The following TGM2 variants were observed in gnomAD, a reference collection of about 807,000 sequenced individuals.
TGM2 encodes protein-glutamine gamma-glutamyltransferase 2.
Under a neutral mutation model 75.6 loss-of-function variants are expected in TGM2, and 53 were observed. That is an observed-to-expected ratio of 0.70 (90% confidence interval 0.56 to 0.88). The LOEUF is 0.88. Ranked by LOEUF, TGM2 falls within the 40% of genes least tolerant of loss-of-function variation. TGM2 has a pLI of 0.00. For synonymous variants in TGM2, 374 were observed against 381.1 expected, an observed-to-expected ratio of 0.98 and a Z score of 0.22; for missense variants, 842 against 928.5, an observed-to-expected ratio of 0.91 and a Z score of 1.21.
At chr20:38,131,571 C>T (rs565107783) in intron 11 of TGM2, among the ~76,000 whole-genome samples, 1 of 152,208 alleles carries the variant, frequency 6.6e-6, no homozygotes, top group South Asian at 2.1e-4. Flanking sequence ...GGAAGTTACT[C>T]CCCACTCTGT....
chr20:38,139,601 T>C lies in TGM2; in HGVS notation c.1153A>G (p.Ser385Gly). Residue 385 changes from serine to glycine, a missense_variant, in exon 9 of 13, where the codon AGC becomes GGC. Coordinates refer to ENST00000361475, the MANE Select transcript of TGM2 (RefSeq NM_004613.4). ...PVRAIKEGDL[S>G]TKYDAPFVFA... ...ACAAAGGGCGCATCGTACTTGGTGCTCAGGTCGCCCTCCTTGATGGCACGA... is the reference window on the plus strand; with the variant it reads ...ACAAAGGGCGCATCGTACTTGGTGCCCAGGTCGCCCTCCTTGATGGCACGA... The C allele has an allele frequency of 6.2e-7, 1 of 1,614,212 alleles. No homozygotes were observed. Among genetic ancestry groups the C allele is most frequent in the South Asian group, 1.1e-5 (1 of 91,082 alleles).
rs765088436 is a variant in TGM2, at chr20:38,139,501, C to T, written c.1253G>A (p.Arg418His). The T allele has an allele frequency of 1.9e-5, 30 of 1,614,068 alleles. No homozygotes were observed. The highest frequency in any genetic ancestry group is 4.5e-5 in the East Asian group (2 of 44,902). ...GATCTTCAGCCCAACGATCAGGGAA[C>T]GGTTGATGGATTTGTGCACAGACCC... ...DDGSVHKSINRSLIVGLKIST... is the reference protein window; with the variant it reads ...DDGSVHKSINHSLIVGLKIST... The change falls in exon 9 of 13, where the codon CGT becomes CAT. Residue 418 changes from arginine to histidine, a missense_variant. Coordinates refer to ENST00000361475, the MANE Select transcript of TGM2 (RefSeq NM_004613.4).
At chr20:38,157,484 T>G (rs556035194) in intron 2 of TGM2, among the ~76,000 whole-genome samples, 158 of 152,368 alleles carry the variant, frequency 1.0e-3, no homozygotes, top group African/African-American at 3.6e-3. Context: ...CTCTCTGATC[T>G]GCTTTCTTAT....
Position 38,132,332 on chromosome 20 carries a change from G to C in TGM2, c.1776+8C>G, listed in dbSNP as rs1186931713. On this transcript the variant is annotated splice_region_variant and intron_variant, in intron 11 of 12. Transcript: ENST00000361475. ...TGGGACCCTGCCCCTTGCCCAGCCTGCCCTTACCCGGATCTTGATTTCTGG... is the reference window on the plus strand; with the variant it reads ...TGGGACCCTGCCCCTTGCCCAGCCTCCCCTTACCCGGATCTTGATTTCTGG... 2 of 1,613,944 alleles carry C rather than the reference G, an allele frequency of 1.2e-6. No homozygotes were observed. The highest frequency in any genetic ancestry group is 1.7e-6 in the Non-Finnish European group (2 of 1,180,000).
At chr20:38,149,731 G>T (rs1489508360) in intron 4 of TGM2, among the ~76,000 whole-genome samples, 1 of 142,762 alleles carries the variant, frequency 7.0e-6, no homozygotes. Context: ...GGAAGAACTT[G>T]ACTTTGTTCT....
chr20:38,131,349 AC>A (rs111895659), intron 11 of TGM2, 120 bp from the exon 12 acceptor site: 88 of 1,314,146 alleles, frequency 6.7e-5, no homozygotes, highest in African/African-American at 4.3e-4. Flanking sequence ...TGCCACGATC[AC>A]CCCCCCTCCC....
chr20:38,165,290 C>CT, upstream of TGM2: 1 of 1,590,772 alleles, frequency 6.3e-7, no homozygotes, highest in Non-Finnish European at 8.6e-7. Flanking sequence ...GAGAGCGGCG[C>CT]TAACTTATAG....
At chr20:38,147,454 T>C (rs2075059611) in intron 5 of TGM2, among the ~76,000 whole-genome samples, 1 of 152,182 alleles carries the variant, frequency 6.6e-6, no homozygotes, top group Admixed American at 6.5e-5. Flanking sequence ...AGCTGTGCCC[T>C]CTGCCTGGAA....
At position 38,129,407 on chromosome 20, in the gene TGM2, G is replaced by A. The variant is rs1046693636; in HGVS notation, c.*812C>T. On this transcript the variant is annotated 3_prime_UTR_variant, in exon 13 of 13. Transcript: ENST00000361475. ...CTCCGACAGTCTCAGGTCAGGCTGG[G>A]GTTATAAATGGAGCAGTGGACTCAG... 6.6e-6 allele frequency: 1 copy of A among 152,132 alleles called. No individual in the cohort carries two copies. The highest frequency in any genetic ancestry group is 2.4e-5 in the African/African-American group (1 of 41,412). 9.4% of individuals were successfully genotyped at this position (152,132 alleles called of 1,614,324 possible). A position where few individuals can be genotyped will look rare whatever the true frequency, so the allele number is the denominator to read the frequency against.
chr20:38,165,706 ACACT>A (rs2075304720), upstream of TGM2, among the ~76,000 whole-genome samples: 1 of 148,196 alleles, frequency 6.7e-6, no homozygotes, highest in South Asian at 2.2e-4. Flanking sequence ...ACACACGCAC[ACACT>A]CACACACATA....
At chr20:38,156,574 AG>A (rs2075190458) in intron 2 of TGM2, among the ~76,000 whole-genome samples, 1 of 152,246 alleles carries the variant, frequency 6.6e-6, no homozygotes, top group Admixed American at 6.5e-5. Context: ...GACGCTGAGC[AG>A]GAAGGGACCT....
chr20:38,156,260 G>T lies in TGM2; in HGVS notation c.191-171C>A, dbSNP rs552605242. Among the ~76,000 whole-genome samples the T allele has an allele frequency of 1.9e-3, 283 of 152,376 alleles. 4 individuals are homozygous for T. The highest frequency in any genetic ancestry group is 6.4e-3 in the African/African-American group (265 of 41,598). On this transcript the variant is annotated intron_variant, in intron 2 of 12. Coordinates refer to ENST00000361475, the MANE Select transcript of TGM2 (RefSeq NM_004613.4). ...AGCCTCAGTTTCCTCATCTGTAAAG[G>T]GGGGCTCAGAACCCCAGCCTTTTAG...
upstream of TGM2, chr20:38,165,415 G>A (rs1163224037): frequency 4.4e-5 from 28 of 631,868 alleles, no homozygotes; most frequent in South Asian, 3.4e-4. Context: ...CCAGGGGACC[G>A]GAGCCCGAGG....
Position 38,154,373 on chromosome 20 carries a change from A to G in TGM2, c.433+1474T>C, listed in dbSNP as rs570308488. ...CCGATTCCCAGGAGGGGCCTGGCCC[A>G]TGATGCTTCTTTCCCTGCTTTGTTT... On this transcript the variant is annotated intron_variant, in intron 3 of 12. Coordinates refer to ENST00000361475, the MANE Select transcript of TGM2 (RefSeq NM_004613.4). 5.9e-5 allele frequency among the ~76,000 whole-genome samples: 9 copies of G among 152,300 alleles called. No individual in the cohort carries two copies. The South Asian group carries it at 1.9e-3, about 32-fold the overall frequency.
At chr20:38,136,551 G>A (rs1455458444) in intron 10 of TGM2, among the ~76,000 whole-genome samples, 1 of 152,196 alleles carries the variant, frequency 6.6e-6, no homozygotes, top group Non-Finnish European at 1.5e-5. Flanking sequence ...GAGCCTGATG[G>A]GGACGCTAAG....
At chr20:38,142,451 G>T (rs779130586) in intron 6 of TGM2, among the ~76,000 whole-genome samples, 4 of 152,198 alleles carry the variant, frequency 2.6e-5, no homozygotes, top group African/African-American at 4.8e-5. Context: ...GGTGGCTCAC[G>T]CCTATAATCC....
chr20:38,130,383 G>T lies in TGM2; in HGVS notation c.1914-14C>A, dbSNP rs45581631. 23 of 1,577,402 alleles carry T rather than the reference G, an allele frequency of 1.5e-5. No homozygotes were observed. Among genetic ancestry groups the T allele is most frequent in the African/African-American group, 6.7e-5 (5 of 74,376 alleles). On this transcript the variant is annotated splice_polypyrimidine_tract_variant and intron_variant, in intron 12 of 12. Transcript: ENST00000361475. The stretch of plus-strand genomic sequence containing the variant: ...ACGGGGTCTGGGCTGCAGGGAGAGA[G>T]GGGGTGGTGAGGAAAGGGGCCCAAG...
intron 10 of TGM2, among the ~76,000 whole-genome samples, chr20:38,134,655 C>T (rs999618878): frequency 1.3e-5 from 2 of 152,112 alleles, no homozygotes; most frequent in Non-Finnish European, 2.9e-5. Context: ...TCACCGAGGC[C>T]ACATTGGCTG....
chr20:38,167,041 C>G (rs181528020), upstream of TGM2, among the ~76,000 whole-genome samples: 20 of 152,312 alleles, frequency 1.3e-4, no homozygotes, highest in Admixed American at 1.3e-3. Context: ...CCCTCCCTCA[C>G]AGGCCTGAGT....
Sources: gnomAD v4.1 joint callset for allele counts (sites outside exome capture counted in the v4.1 genomes callset) on GRCh38, gnomAD v4.1.1 for gene constraint, MANE v1.5 for transcripts, NCBI Gene and HGNC (gene_info 2026-07-23, HGNC 2026-07-21) for gene names.